Variants in GPC5 observed in about 807,000 individuals in gnomAD.
The protein encoded by GPC5 is glypican 5.
A neutral mutation model predicts 53.9 loss-of-function variants in GPC5; 47 were observed. That is an observed-to-expected ratio of 0.87 (90% CI 0.69 to 1.11). GPC5 has a LOEUF of 1.11. Ranked by LOEUF, GPC5 falls within the 50% of genes most tolerant of loss-of-function variation. The pLI, the probability that GPC5 is intolerant of heterozygous loss-of-function variation, is 0.00. For synonymous variants in GPC5, 286 were observed against 263.3 expected (o/e 1.09, Z -0.84); for missense variants, 748 against 713.1 (o/e 1.05, Z -0.56).
chr13:91,910,044 T>C (rs914929186), intron 6 of GPC5, among the ~76,000 whole-genome samples: 2 of 152,184 alleles, frequency 1.3e-5, no homozygotes, highest in Non-Finnish European at 2.9e-5. Flanking sequence ...ACCTTTGAGG[T>C]CTATCCTTTT....
chr13:91,847,402 A>G (rs528720038), intron 5 of GPC5, among the ~76,000 whole-genome samples: 7 of 151,962 alleles, frequency 4.6e-5, no homozygotes, highest in African/African-American at 1.7e-4. Context: ...GATAAGAAAA[A>G]TTATGGGCTT....
intron 2 of GPC5, among the ~76,000 whole-genome samples, chr13:91,586,279 A>C (rs540805804): frequency 2.0e-5 from 3 of 150,154 alleles, no homozygotes; most frequent in Non-Finnish European, 4.4e-5. Context: ...CTTCCCTAGT[A>C]TGTGTTACCT....
intron 6 of GPC5, among the ~76,000 whole-genome samples, chr13:91,919,566 A>G (rs969197316): frequency 6.6e-6 from 1 of 152,308 alleles, no homozygotes; most frequent in South Asian, 2.1e-4. Context: ...TTACAATTCA[A>G]TTATATTCAC....
At chr13:92,182,543 T>C (rs1374546344) in intron 7 of GPC5, among the ~76,000 whole-genome samples, 16 of 152,182 alleles carry the variant, frequency 1.1e-4, no homozygotes, top group Admixed American at 1.0e-3. Context: ...CAAAGTTCTA[T>C]TTAGTAATTT....
At chr13:91,431,177 C>A (rs1282423079) in intron 1 of GPC5, among the ~76,000 whole-genome samples, 3 of 152,128 alleles carry the variant, frequency 2.0e-5, no homozygotes, top group Non-Finnish European at 2.9e-5. Flanking sequence ...CTGTGCCCAG[C>A]CTACAGTTTA....
intron 7 of GPC5, among the ~76,000 whole-genome samples, chr13:92,335,771 C>G (rs917490107): frequency 1.1e-4 from 16 of 152,138 alleles, no homozygotes; most frequent in African/African-American, 3.9e-4. Flanking sequence ...TCCTCCAGTT[C>G]CTAACAAGTT....
intron 7 of GPC5, among the ~76,000 whole-genome samples, chr13:92,229,496 A>G (rs1566494786): frequency 6.6e-6 from 1 of 152,098 alleles, no homozygotes; most frequent in Non-Finnish European, 1.5e-5. Flanking sequence ...TAAAGCATAT[A>G]TTTTTAGGTT....
At chr13:92,502,260 A>G (rs905068306) in intron 7 of GPC5, among the ~76,000 whole-genome samples, 8 of 152,024 alleles carry the variant, frequency 5.3e-5, no homozygotes, top group African/African-American at 1.7e-4. Context: ...TAAATAGAGT[A>G]AAAAAGATGT....
At chr13:91,830,595 T>G (rs953761215) in intron 5 of GPC5, among the ~76,000 whole-genome samples, 1 of 151,466 alleles carries the variant, frequency 6.6e-6, no homozygotes, top group Non-Finnish European at 1.5e-5. Context: ...AAGTATTAAT[T>G]TGGGGAACTA....
At chr13:91,872,706 G>A (rs1220176013) in intron 5 of GPC5, among the ~76,000 whole-genome samples, 1 of 152,060 alleles carries the variant, frequency 6.6e-6, no homozygotes, top group Non-Finnish European at 1.5e-5. Flanking sequence ...CTTACCTAAT[G>A]TCTATGCACA....
At chr13:92,452,218 T>C (rs1878090558) in intron 7 of GPC5, among the ~76,000 whole-genome samples, 2 of 152,134 alleles carry the variant, frequency 1.3e-5, no homozygotes, top group African/African-American at 4.8e-5. Flanking sequence ...CAGGAAAATG[T>C]AAATATGAAA....
At chr13:92,109,206 A>G (rs1425056929) in intron 6 of GPC5, among the ~76,000 whole-genome samples, 1 of 151,494 alleles carries the variant, frequency 6.6e-6, no homozygotes, top group South Asian at 2.1e-4. Flanking sequence ...AGCTGGGACT[A>G]CAGGCACTCA....
At chr13:92,796,591 G>A (rs1594513606) in intron 7 of GPC5, among the ~76,000 whole-genome samples, 2 of 151,854 alleles carry the variant, frequency 1.3e-5, no homozygotes, top group Non-Finnish European at 2.9e-5. Context: ...CTTAGGGTAG[G>A]AAGATTCTCT....
chr13:92,696,072 C>T (rs1887547894), intron 7 of GPC5, among the ~76,000 whole-genome samples: 1 of 152,104 alleles, frequency 6.6e-6, no homozygotes, highest in Non-Finnish European at 1.5e-5. Context: ...TGTATATGTG[C>T]CACCTTTCTT....
chr13:92,308,650 C>T (rs2043126718), intron 7 of GPC5, among the ~76,000 whole-genome samples: 1 of 152,056 alleles, frequency 6.6e-6, no homozygotes, highest in South Asian at 2.1e-4. Flanking sequence ...GGTTTTTTGA[C>T]AGGGCATGGC....
intron 6 of GPC5, among the ~76,000 whole-genome samples, chr13:91,931,916 G>A (rs1594671343): frequency 1.3e-5 from 2 of 151,900 alleles, no homozygotes; most frequent in Admixed American, 6.6e-5. Context: ...TATAGACTCC[G>A]TTTTGCTTTC....
chr13:92,705,562 TG>T (rs895714476), intron 7 of GPC5, among the ~76,000 whole-genome samples: 3 of 152,140 alleles, frequency 2.0e-5, no homozygotes, highest in African/African-American at 4.8e-5. Flanking sequence ...CTTTCTATCT[TG>T]AAATAATTTT....
At chr13:92,852,547 T>C (rs1373284940) in intron 7 of GPC5, among the ~76,000 whole-genome samples, 2 of 152,186 alleles carry the variant, frequency 1.3e-5, no homozygotes, top group Non-Finnish European at 2.9e-5. Context: ...AAGTGACACA[T>C]GTTCCTTCCA....
intron 7 of GPC5, among the ~76,000 whole-genome samples, chr13:92,758,994 G>GTTTTTTTTTTTT (rs68182839): frequency 7.1e-5 from 5 of 70,564 alleles, no homozygotes; most frequent in African/African-American, 2.0e-4. Context: ...TCCCATTGCG[G>GTTTTTTTTTTTT]TTTTTTTTTT....
Sources: gnomAD v4.1 joint callset for allele counts (sites outside exome capture counted in the v4.1 genomes callset) on GRCh38, gnomAD v4.1.1 for gene constraint, MANE v1.5 for transcripts, NCBI Gene and HGNC (gene_info 2026-07-23, HGNC 2026-07-21) for gene names.